The following DMRT1 variants were observed in gnomAD, a reference collection of about 807,000 sequenced individuals.
The protein encoded by DMRT1 is doublesex and mab-3 related transcription factor 1.
In DMRT1, 7 loss-of-function variants were observed where a neutral mutation model predicts 32.3. The observed-to-expected ratio is 0.22, with a 90% CI of 0.12 to 0.41. The LOEUF is 0.41. Ranked by LOEUF, DMRT1 falls within the 10% of genes least tolerant of loss-of-function variation. DMRT1 has a pLI of 1.00. For synonymous variants in DMRT1, 278 were observed against 206.1 expected (o/e 1.35, Z -2.99); for missense variants, 625 against 500.5 (o/e 1.25, Z -2.37).
At chr9:858,695 G>A (rs894602984) in intron 2 of DMRT1, among the ~76,000 whole-genome samples, 22 of 151,914 alleles carry the variant, frequency 1.4e-4, no homozygotes, top group African/African-American at 5.3e-4. Context: ...CCAACATGGC[G>A]AATCCCTGTC....
In DMRT1 at chr9:848,186, TA is replaced by T. The variant is rs1409169136; in HGVS notation, c.538+1045del. 5.3e-5 allele frequency among the ~76,000 whole-genome samples: 8 copies of T among 152,350 alleles called. No homozygotes were observed. The South Asian group carries it at 6.2e-4, about 12-fold the overall frequency. ...CATGAATTACTCCATTTGCTGGGCT[TA>T]AGCACTGTGTACTAAAGTCACACAA... On this transcript the variant is annotated intron_variant, in intron 2 of 4. Transcript: ENST00000382276.
chr9:889,804 G>A (rs1344018904), intron 2 of DMRT1, among the ~76,000 whole-genome samples: 1 of 152,134 alleles, frequency 6.6e-6, no homozygotes, highest in Non-Finnish European at 1.5e-5. Flanking sequence ...CTTTTGAAAG[G>A]CAGGCCTTAA....
intron 2 of DMRT1, among the ~76,000 whole-genome samples, chr9:851,319 A>G (rs993858913): frequency 1.3e-5 from 2 of 151,584 alleles, no homozygotes; most frequent in African/African-American, 4.8e-5. Flanking sequence ...GCTCACTGCA[A>G]CCTCCACCTC....
chr9:844,456 A>G (rs1838815248), intron 1 of DMRT1, among the ~76,000 whole-genome samples: 1 of 140,430 alleles, frequency 7.1e-6, no homozygotes, highest in African/African-American at 3.3e-5. Context: ...TGTGCTTCAG[A>G]GGTTTGCAGG....
At chr9:957,831 G>A (rs545818512) in intron 4 of DMRT1, among the ~76,000 whole-genome samples, 4 of 152,246 alleles carry the variant, frequency 2.6e-5, no homozygotes, top group South Asian at 2.1e-4. Flanking sequence ...CCAACATGGC[G>A]AAACACTGGC....
chr9:852,242 T>C (rs1231738439), intron 2 of DMRT1, among the ~76,000 whole-genome samples: 3 of 151,722 alleles, frequency 2.0e-5, no homozygotes, highest in Non-Finnish European at 4.4e-5. Context: ...TGGCCGCAGG[T>C]ACACTATTGA....
intron 4 of DMRT1, among the ~76,000 whole-genome samples, chr9:943,565 T>TA (rs1338657719): frequency 2.0e-5 from 3 of 152,230 alleles, no homozygotes; most frequent in African/African-American, 4.8e-5. Context: ...GTCTAACACT[T>TA]ACATCCTGAA....
At position 862,438 on chromosome 9, in the gene DMRT1, C is replaced by T. The variant is rs568669718; in HGVS notation, c.538+15295C>T. On this transcript the variant is annotated intron_variant, in intron 2 of 4. Transcript: ENST00000382276. ...ATCAGGCAGGGAGGCTGCAGTGAGC[C>T]GAGATGGCGGCAGCACAGTCCAGCC... Among the ~76,000 whole-genome samples the T allele has an allele frequency of 2.1e-5, 3 of 143,534 alleles. No individual in the cohort carries two copies. The Admixed American group carries it at 2.2e-4, about 11-fold the overall frequency. 94.2% of individuals were successfully genotyped at this position (143,534 alleles called of 152,430 possible).
intron 3 of DMRT1, among the ~76,000 whole-genome samples, chr9:915,795 C>G (rs562582262): frequency 6.6e-6 from 1 of 151,518 alleles, no homozygotes; most frequent in Admixed American, 6.6e-5. Context: ...TGCAGTGGCG[C>G]GATCTCGGCT....
chr9:941,895 G>C (rs1819086195), intron 4 of DMRT1, among the ~76,000 whole-genome samples: 1 of 152,124 alleles, frequency 6.6e-6, no homozygotes, highest in African/African-American at 2.4e-5. Context: ...CTGGTTATGA[G>C]GTATTGTCCT....
intron 3 of DMRT1, among the ~76,000 whole-genome samples, chr9:897,789 C>A (rs1205577452): frequency 6.6e-6 from 1 of 151,822 alleles, no homozygotes; most frequent in Non-Finnish European, 1.5e-5. Flanking sequence ...TCGTTAGCTA[C>A]CTCAGATCCC....
intron 4 of DMRT1, among the ~76,000 whole-genome samples, chr9:949,825 G>A (rs1172467625): frequency 1.3e-5 from 2 of 152,098 alleles, no homozygotes; most frequent in East Asian, 1.9e-4. Context: ...TTGTCCTTCC[G>A]TGTCTGGCTT....
At chr9:874,316 CAT>C (rs1816401578) in intron 2 of DMRT1, among the ~76,000 whole-genome samples, 1 of 152,194 alleles carries the variant, frequency 6.6e-6, no homozygotes, top group Non-Finnish European at 1.5e-5. Context: ...TCAGAAAAAT[CAT>C]AGCGCCTTCA....
At chr9:883,884 A>G (rs1193092577) in intron 2 of DMRT1, among the ~76,000 whole-genome samples, 4 of 152,134 alleles carry the variant, frequency 2.6e-5, no homozygotes, top group African/African-American at 9.7e-5. Flanking sequence ...GATAGTTTTC[A>G]GACTTACTGG....
chr9:874,310 A>G (rs753789829), intron 2 of DMRT1, among the ~76,000 whole-genome samples: 4 of 152,226 alleles, frequency 2.6e-5, no homozygotes, highest in Non-Finnish European at 5.9e-5. Context: ...TAGTTCTCAG[A>G]AAAATCATAG....
At chr9:882,278 C>G (rs1001136580) in intron 2 of DMRT1, among the ~76,000 whole-genome samples, 2 of 152,182 alleles carry the variant, frequency 1.3e-5, no homozygotes, top group African/African-American at 2.4e-5. Context: ...AAATTGCATA[C>G]CACTGTGCCA....
intron 2 of DMRT1, among the ~76,000 whole-genome samples, chr9:881,353 C>T (rs911546410): frequency 5.3e-5 from 8 of 152,132 alleles, no homozygotes; most frequent in South Asian, 2.1e-4. Context: ...AGGTATAATT[C>T]GGTTTCTTAA....
chr9:862,897 T>A lies in DMRT1; in HGVS notation c.538+15754T>A, dbSNP rs1441828004. The stretch of plus-strand genomic sequence containing the variant: ...TGCCTGTGCCCTAATCCCTGCAACC[T>A]GTGAAGTTGGTACCTTACATGGCAG... On this transcript the variant is annotated intron_variant, in intron 2 of 4. Coordinates refer to ENST00000382276, the MANE Select transcript of DMRT1 (RefSeq NM_021951.3). Among the ~76,000 whole-genome samples the A allele has an allele frequency of 3.3e-5, 5 of 152,226 alleles. 1 individual carries two copies. Among genetic ancestry groups the A allele is most frequent in the African/African-American group, 1.2e-4 (5 of 41,532 alleles).
intron 2 of DMRT1, among the ~76,000 whole-genome samples, chr9:889,730 G>A (rs899033725): frequency 1.3e-5 from 2 of 151,922 alleles, no homozygotes; most frequent in Admixed American, 6.6e-5. Context: ...CTGGAATGCT[G>A]GAATCCTTGG....
Sources: allele counts gnomAD v4.1 joint callset (sites outside exome capture counted in the v4.1 genomes callset), GRCh38; gene constraint gnomAD v4.1.1; transcripts MANE v1.5; gene names NCBI Gene and HGNC (gene_info 2026-07-23, HGNC 2026-07-21).